The following GC variants were observed in gnomAD, a reference collection of about 807,000 sequenced individuals.
The protein encoded by GC is vitamin D-binding protein.
Under a neutral mutation model 56.7 loss-of-function variants are expected in GC, and 43 were observed. The observed-to-expected ratio is 0.76, with a 90% CI of 0.59 to 0.98. GC has a LOEUF of 0.98. GC is among the 50% of genes least tolerant of loss of function. The pLI is 0.00. For missense variants in GC, 529 were observed against 545.9 expected (o/e 0.97, Z 0.31); for synonymous variants, 216 against 202.7 (o/e 1.07, Z -0.56).
intron 1 of GC, among the ~76,000 whole-genome samples, chr4:71,770,176 G>T (rs1742300360): frequency 6.6e-6 from 1 of 152,164 alleles, no homozygotes; most frequent in Admixed American, 6.5e-5. Flanking sequence ...GAAATCTAGA[G>T]GGTGATGGGC....
chr4:71,758,288 AT>A lies in GC; in HGVS notation c.702-118del, dbSNP rs1291159444. 1.1e-5 allele frequency: 9 copies of A among 838,490 alleles called. No individual in the cohort carries two copies. The African/African-American group carries it at 1.3e-4, about 13-fold the overall frequency. The allele number at this position is 838,490 out of a possible 1,614,324, so 51.9% of individuals were successfully genotyped here. On this transcript the variant is annotated intron_variant, in intron 6 of 12. Transcript: ENST00000273951. The stretch of plus-strand genomic sequence containing the variant: ...AATTTCACCTCCTTGGCCTCAAGAG[AT>A]GCATGGGAGCACATCTGCCATGCGA...
At chr4:71,742,237 A>G (rs1432597665) in intron 12 of GC, among the ~76,000 whole-genome samples, 3 of 152,208 alleles carry the variant, frequency 2.0e-5, no homozygotes, top group Non-Finnish European at 4.4e-5. Context: ...GAGGCCCCCA[A>G]TCATCATGGA....
chr4:71,786,449 T>C (rs981839217), upstream of GC, among the ~76,000 whole-genome samples: 5 of 151,806 alleles, frequency 3.3e-5, no homozygotes, highest in East Asian at 1.9e-4. Context: ...ATAGCAGCAG[T>C]TATAGCAACT....
intron 1 of GC, among the ~76,000 whole-genome samples, chr4:71,794,606 A>G (rs1019882812): frequency 6.6e-6 from 1 of 152,060 alleles, no homozygotes; most frequent in Non-Finnish European, 1.5e-5. Context: ...TTAAAAAACC[A>G]GCTCCTGGAT....
At chr4:71,804,165 C>T, upstream of GC, 1 of 585,216 alleles carries the variant, frequency 1.7e-6, no homozygotes, top group Non-Finnish European at 3.1e-6. Flanking sequence ...AATAGTCAGA[C>T]ACAGGTATGC....
At chr4:71,792,403 T>C (rs952842409) in intron 1 of GC, among the ~76,000 whole-genome samples, 1 of 152,236 alleles carries the variant, frequency 6.6e-6, no homozygotes, top group African/African-American at 2.4e-5. Flanking sequence ...GATTTGCATT[T>C]CTCTGATGAC....
Position 71,761,895 on chromosome 4 carries a change from G to A in GC, c.701+1513C>T, listed in dbSNP as rs183405049. The stretch of plus-strand genomic sequence containing the variant: ...GAAACACTTGGATGTCCAGGCAGAG[G>A]TTTGCTGCAGGGGCAGGGCTCTCAT... On this transcript the variant is annotated intron_variant, in intron 6 of 12. Transcript: ENST00000273951. Among the ~76,000 whole-genome samples the A allele has an allele frequency of 8.5e-5, 13 of 152,328 alleles. No homozygotes were observed. In the East Asian group the frequency reaches 1.5e-3, roughly 18 times the overall value.
intron 1 of GC, among the ~76,000 whole-genome samples, chr4:71,799,276 C>G (rs575820840): frequency 6.6e-6 from 1 of 152,254 alleles, no homozygotes; most frequent in East Asian, 1.9e-4. Flanking sequence ...TTCTTGCCTC[C>G]CAGCTCAGCG....
chr4:71,744,376 G>T (rs1435399053), intron 12 of GC, among the ~76,000 whole-genome samples: 1 of 146,212 alleles, frequency 6.8e-6, no homozygotes, highest in Non-Finnish European at 1.5e-5. Context: ...GGAGAATGGC[G>T]TGAACCCAGG....
At chr4:71,802,711 CT>C (rs1199241120) in intron 1 of GC, among the ~76,000 whole-genome samples, 16 of 152,136 alleles carry the variant, frequency 1.1e-4, no homozygotes, top group African/African-American at 3.6e-4. Flanking sequence ...TTAAGTCATT[CT>C]TTTTATTGAA....
At chr4:71,802,934 T>G (rs1743285691) in intron 1 of GC, among the ~76,000 whole-genome samples, 1 of 152,136 alleles carries the variant, frequency 6.6e-6, no homozygotes, top group African/African-American at 2.4e-5. Flanking sequence ...AAGAGCATGC[T>G]GAGTATGTAT....
At chr4:71,746,288 C>A in intron 11 of GC, 83 bp from the exon 12 acceptor site, 1 of 639,702 alleles carries the variant, frequency 1.6e-6, no homozygotes, top group Non-Finnish European at 2.8e-6. Context: ...TATACAAAAT[C>A]TTGAAACCTT....
At chr4:71,776,637 TA>T (rs1365012217) in intron 1 of GC, among the ~76,000 whole-genome samples, 2 of 151,884 alleles carry the variant, frequency 1.3e-5, no homozygotes, top group African/African-American at 2.4e-5. Context: ...ATAACTTGAG[TA>T]AATTTCAAAT....
At chr4:71,793,639 C>G (rs950144270) in intron 1 of GC, among the ~76,000 whole-genome samples, 1 of 152,080 alleles carries the variant, frequency 6.6e-6, no homozygotes, top group Admixed American at 6.6e-5. Context: ...TAATTGAATA[C>G]CCTTTATTTC....
intron 11 of GC, among the ~76,000 whole-genome samples, chr4:71,750,059 A>G (rs1241678253): frequency 2.0e-5 from 3 of 152,142 alleles, no homozygotes; most frequent in Non-Finnish European, 4.4e-5. Flanking sequence ...ACATAACAAA[A>G]CAAATAAAAC....
At chr4:71,751,178 A>G (rs1423536291) in intron 11 of GC, among the ~76,000 whole-genome samples, 3 of 152,184 alleles carry the variant, frequency 2.0e-5, no homozygotes, top group Admixed American at 2.0e-4. Context: ...ATGGGCTGAC[A>G]TTTTCTGAAA....
chr4:71,801,116 T>G (rs949972311), intron 1 of GC, among the ~76,000 whole-genome samples: 1 of 152,128 alleles, frequency 6.6e-6, no homozygotes, highest in African/African-American at 2.4e-5. Context: ...GAGAGAACTC[T>G]TATAACCCAA....
intron 1 of GC, among the ~76,000 whole-genome samples, chr4:71,789,230 A>G (rs1477395855): frequency 5.3e-5 from 8 of 151,952 alleles, no homozygotes; most frequent in Non-Finnish European, 8.8e-5. Flanking sequence ...TAAAACATTC[A>G]TATGTGAACC....
chr4:71,802,603 A>G (rs1341076725), intron 1 of GC, among the ~76,000 whole-genome samples: 6 of 152,236 alleles, frequency 3.9e-5, no homozygotes, highest in Non-Finnish European at 1.5e-5. Flanking sequence ...CCCATCCTAA[A>G]GTTGAAAAGT....
Sources: allele counts gnomAD v4.1 joint callset (sites outside exome capture counted in the v4.1 genomes callset), GRCh38; gene constraint gnomAD v4.1.1; transcripts MANE v1.5; gene names NCBI Gene and HGNC (gene_info 2026-07-23, HGNC 2026-07-21).